Variants in PPT1 observed in about 807,000 individuals in gnomAD.
PPT1 encodes palmitoyl-protein thioesterase 1.
In PPT1, 24 loss-of-function variants were observed where a neutral mutation model predicts 44.0. The observed-to-expected ratio is 0.54, with a 90% CI of 0.39 to 0.77. The LOEUF (loss-of-function observed/expected upper bound fraction) is 0.77, where lower values mean the gene tolerates loss of function less well. Ranked by LOEUF, PPT1 falls within the 30% of genes least tolerant of loss-of-function variation. The probability of loss-of-function intolerance (pLI) is 0.00; values close to 1 mark genes in which losing one functional copy is unlikely to be tolerated. For missense variants in PPT1, 341 were observed against 378.8 expected, an observed-to-expected ratio of 0.90 and a Z score of 0.83; for synonymous variants, 148 against 140.2, an observed-to-expected ratio of 1.06 and a Z score of -0.39.
intron 1 of PPT1, chr1:40,096,780 C>A: frequency 2.9e-6 from 1 of 345,486 alleles, no homozygotes; most frequent in Non-Finnish European, 5.5e-6. Context: ...AGGGTAGATG[C>A]GCCAGTCATA....
At chr1:40,082,590 A>T (rs2124476909) in intron 5 of PPT1, among the ~76,000 whole-genome samples, 1 of 152,338 alleles carries the variant, frequency 6.6e-6, no homozygotes, top group Non-Finnish European at 1.5e-5. Context: ...ATCCAGAGCA[A>T]CGTCCTAACT....
intron 1 of PPT1, among the ~76,000 whole-genome samples, chr1:40,096,648 T>TA (rs78312262): frequency 0.054 from 7,911 of 146,130 alleles, 247 homozygotes; most frequent in East Asian, 0.11. Context: ...ATGCAAATAT[T>TA]AAAAAAAAAA....
intron 5 of PPT1, among the ~76,000 whole-genome samples, chr1:40,087,397 C>T (rs1230336495): frequency 6.6e-6 from 1 of 151,904 alleles, no homozygotes; most frequent in Non-Finnish European, 1.5e-5. Context: ...TGTGCACCAC[C>T]ACGCCTGCCT....
At chr1:40,088,896 G>C (rs1649402412) in intron 5 of PPT1, among the ~76,000 whole-genome samples, 1 of 152,134 alleles carries the variant, frequency 6.6e-6, no homozygotes. Flanking sequence ...TTCTTACATA[G>C]AAAAATGCCC....
intron 5 of PPT1, among the ~76,000 whole-genome samples, chr1:40,088,170 G>A (rs1649362825): frequency 6.7e-6 from 1 of 149,284 alleles, no homozygotes; most frequent in Admixed American, 6.7e-5. Context: ...TTGAGACGGA[G>A]TCTCCCTCTG....
chr1:40,080,996 G>C (rs1362602829), intron 5 of PPT1, among the ~76,000 whole-genome samples: 1 of 152,200 alleles, frequency 6.6e-6, no homozygotes, highest in Non-Finnish European at 1.5e-5. Flanking sequence ...AGACTGTTCA[G>C]CATAGTACAG....
chr1:40,078,491 C>T (rs1027687387), intron 7 of PPT1, 69 bp downstream of exon 7: 142 of 1,476,522 alleles, frequency 9.6e-5, no homozygotes, highest in South Asian at 1.6e-4. Context: ...CATGAGCCAC[C>T]GTGCCCGGCC....
chr1:40,089,885 A>G (rs1649462389), intron 4 of PPT1, among the ~76,000 whole-genome samples: 1 of 151,990 alleles, frequency 6.6e-6, no homozygotes, highest in African/African-American at 2.4e-5. Context: ...ATCCTCATCA[A>G]TAACATTGTT....
chr1:40,080,339 T>C (rs1648856424), intron 6 of PPT1, 58 bp downstream of exon 6: 1 of 1,508,800 alleles, frequency 6.6e-7, no homozygotes, highest in Non-Finnish European at 9.2e-7. Context: ...GATTTGTTTA[T>C]GAAGACCTAA....
chr1:40,078,550 A>T lies in PPT1; in HGVS notation c.726+10T>A. 1 of 1,610,622 alleles carries T rather than the reference A, an allele frequency of 6.2e-7. No homozygotes were observed. The highest frequency in any genetic ancestry group is 8.5e-7 in the Non-Finnish European group (1 of 1,176,938). ...TACTCTCCTGGCATGTGGCCTAAGT[A>T]GTGTCTCACCTCCGAATCTACAGGG... On this transcript the variant is annotated intron_variant, in intron 7 of 8. Transcript: ENST00000642050.
At position 40,089,531 on chromosome 1, in the gene PPT1, A is replaced by C. The variant is rs1649444270; in HGVS notation, c.434-19T>G. On this transcript the variant is annotated intron_variant, in intron 4 of 8. Transcript: ENST00000642050. Reference sequence around the variant, plus strand: ...AAAACACCTACAGTGGTAGATGACAAATATCCACTCCTTCAATAATGATGT... The same window carrying C: ...AAAACACCTACAGTGGTAGATGACACATATCCACTCCTTCAATAATGATGT... 6.5e-7 allele frequency: 1 copy of C among 1,549,286 alleles called. No homozygotes were observed. The highest frequency in any genetic ancestry group is 1.4e-5 in the African/African-American group (1 of 73,666).
intron 5 of PPT1, among the ~76,000 whole-genome samples, chr1:40,086,074 G>C (rs980766347): frequency 6.6e-6 from 1 of 152,164 alleles, no homozygotes; most frequent in South Asian, 2.1e-4. Context: ...AACTGGGAGC[G>C]GGGCCCAGAG....
intron 6 of PPT1, 93 bp from the exon 7 acceptor site, chr1:40,078,751 T>C (rs1303634788): frequency 9.4e-7 from 1 of 1,066,402 alleles, no homozygotes; most frequent in Non-Finnish European, 1.4e-6. Context: ...CCTGACCCTG[T>C]GCCACTGTGT....
intron 1 of PPT1, among the ~76,000 whole-genome samples, chr1:40,092,875 A>G (rs1047571761): frequency 6.6e-6 from 1 of 152,260 alleles, no homozygotes; most frequent in African/African-American, 2.4e-5. Flanking sequence ...ATAGAAAATA[A>G]CAAGTATTGT....
Position 40,080,410 on chromosome 1 carries a change from A to C in PPT1, c.614T>G (p.Ile205Arg). The change falls in exon 6 of 9, where the codon ATA becomes AGA. Residue 205 changes from isoleucine (I) to arginine (R), a missense_variant. By Grantham distance (97) the Ile-to-Arg change is moderately conservative (BLOSUM62 -3). Transcript: ENST00000642050. The part of the protein sequence containing the change: ...YRNHSIFLAD[I>R]NQERGINESY... The stretch of plus-strand genomic sequence containing the variant: ...TTGGGTGCTTACCCGCTCCTGATTT[A>C]TATCTGCCAAGAAGATGCTGTGGTT... 3 of 1,614,022 alleles carry C rather than the reference A, an allele frequency of 1.9e-6. No individual in the cohort carries two copies. The highest frequency in any genetic ancestry group is 2.5e-6 in the Non-Finnish European group (3 of 1,179,944).
Position 40,073,698 on chromosome 1 carries a change from T to G in PPT1, c.*363A>C, listed in dbSNP as rs1413554654. On this transcript the variant is annotated 3_prime_UTR_variant, in exon 9 of 9. Coordinates refer to ENST00000642050, the MANE Select transcript of PPT1 (RefSeq NM_000310.4). Reference sequence around the variant, plus strand: ...CTCTTTGCTTGAAATATGGCAAGACTTGGAAAAATGTTTGCCCTTAGAATC... The same window carrying G: ...CTCTTTGCTTGAAATATGGCAAGACGTGGAAAAATGTTTGCCCTTAGAATC... The G allele has an allele frequency of 4.1e-6, 1 of 245,360 alleles. No individual in the cohort carries two copies. The highest frequency in any genetic ancestry group is 8.1e-6 in the Non-Finnish European group (1 of 122,712). The allele number at this position is 245,360 out of a possible 1,614,324, so 15.2% of individuals were successfully genotyped here.
At chr1:40,091,202 G>T in intron 4 of PPT1, 127 bp downstream of exon 4, 1 of 981,176 alleles carries the variant, frequency 1.0e-6, no homozygotes, top group Non-Finnish European at 1.6e-6. Flanking sequence ...TTTGTTAAAA[G>T]CTAGAGAAAC....
chr1:40,073,141 A>C lies in PPT1; in HGVS notation c.*920T>G, dbSNP rs183975304. On this transcript the variant is annotated 3_prime_UTR_variant, in exon 9 of 9. Transcript: ENST00000642050. ...ATCCTTTTCTCATGGAACACATCAG[A>C]AACAGTTTGGAGTATGCTGGTAAAT... The C allele has an allele frequency of 6.6e-6, 1 of 152,362 alleles. No homozygotes were observed. Among genetic ancestry groups the C allele is most frequent in the Non-Finnish European group, 1.5e-5 (1 of 68,044 alleles). The allele number at this position is 152,362 out of a possible 1,614,324, so 9.4% of individuals were successfully genotyped here. A position where few individuals can be genotyped will look rare whatever the true frequency, so the allele number is the denominator to read the frequency against.
intron 1 of PPT1, chr1:40,094,024 C>G (rs1649716792): frequency 1.4e-6 from 1 of 698,142 alleles, no homozygotes; most frequent in African/African-American, 1.8e-5. Context: ...GAGACCCTGT[C>G]TCAAAAAAAC....
Sources: gnomAD v4.1 joint callset for allele counts (sites outside exome capture counted in the v4.1 genomes callset) on GRCh38, gnomAD v4.1.1 for gene constraint, MANE v1.5 for transcripts, NCBI Gene and HGNC (gene_info 2026-07-23, HGNC 2026-07-21) for gene names.